Variants in NDUFAF6 observed in about 807,000 individuals in gnomAD.
The protein encoded by NDUFAF6 is NADH dehydrogenase (ubiquinone) complex I, assembly factor 6.
Under a neutral mutation model 40.8 loss-of-function variants are expected in NDUFAF6, and 45 were observed. The observed-to-expected ratio is 1.10, with a 90% CI of 0.87 to 1.42. The LOEUF (loss-of-function observed/expected upper bound fraction) is 1.42, where lower values mean the gene tolerates loss of function less well. Among genes scored for constraint, NDUFAF6 ranks in the 40% most tolerant of loss-of-function variants. The pLI is 0.00. For synonymous variants in NDUFAF6, 185 were observed against 155.9 expected (o/e 1.19, Z -1.39); for missense variants, 435 against 418.5 (o/e 1.04, Z -0.34).
intron 2 of NDUFAF6, among the ~76,000 whole-genome samples, chr8:95,012,928 T>A (rs1346334158): frequency 6.6e-6 from 1 of 152,186 alleles, no homozygotes; most frequent in Non-Finnish European, 1.5e-5. Context: ...AGATCAGTAC[T>A]TTTAGTTTTG....
chr8:95,042,111 C>A (rs1830216281), intron 4 of NDUFAF6, among the ~76,000 whole-genome samples: 1 of 151,800 alleles, frequency 6.6e-6, no homozygotes, highest in Non-Finnish European at 1.5e-5. Flanking sequence ...TTAAATATAC[C>A]CCAGTACTTG....
At chr8:95,005,220 C>A (rs945615059) in intron 2 of NDUFAF6, among the ~76,000 whole-genome samples, 2 of 151,930 alleles carry the variant, frequency 1.3e-5, no homozygotes, top group Non-Finnish European at 2.9e-5. Context: ...ATAGGCCGAA[C>A]GTACAGTCAC....
At chr8:95,075,786 G>A in exon 10 of NDUFAF6, 1 of 996,596 alleles carries the variant, frequency 1.0e-6, no homozygotes, top group African/African-American at 1.7e-5. Flanking sequence ...TGCTTAACTA[G>A]CTCTAGGCCA....
chr8:94,986,812 A>G (rs1204270073), intron 2 of NDUFAF6, among the ~76,000 whole-genome samples: 3 of 152,260 alleles, frequency 2.0e-5, no homozygotes, highest in Non-Finnish European at 2.9e-5. Context: ...AGAGCCAGTT[A>G]GGACTAAGAA....
rs577900916 is a variant in NDUFAF6, at chr8:94,976,319, C to T, written c.-198-4540C>T. 1.1e-4 allele frequency among the ~76,000 whole-genome samples: 16 copies of T among 152,068 alleles called. No individual in the cohort carries two copies. The East Asian group carries it at 1.2e-3, about 11-fold the overall frequency. The stretch of plus-strand genomic sequence containing the variant: ...AGGAGGTTGAGACCATCCTAGCCAA[C>T]GTGGTGAAACCCCGTCTCTACTAAA... On this transcript the variant is annotated intron_variant, in intron 1 of 9. Coordinates refer to the NDUFAF6 transcript ENST00000396111.
downstream of NDUFAF6, among the ~76,000 whole-genome samples, chr8:95,061,974 A>G (rs892047178): frequency 1.2e-4 from 18 of 152,042 alleles, no homozygotes; most frequent in African/African-American, 4.1e-4. Context: ...CCTGGGCGAC[A>G]TGGCAAGACC....
At chr8:94,939,660 A>T (rs1320474485) in intron 1 of NDUFAF6, 2 of 730,934 alleles carry the variant, frequency 2.7e-6, no homozygotes. Context: ...GGCCTCCCAA[A>T]GTGCTGGGAT....
chr8:95,076,948 G>A (rs984462354), downstream of NDUFAF6, among the ~76,000 whole-genome samples: 3 of 152,012 alleles, frequency 2.0e-5, no homozygotes, highest in African/African-American at 7.3e-5. Flanking sequence ...ACCTCACAGT[G>A]TGACCGTATG....
intron 1 of NDUFAF6, among the ~76,000 whole-genome samples, chr8:94,931,892 A>T (rs1486945183): frequency 6.6e-6 from 1 of 152,106 alleles, no homozygotes; most frequent in Non-Finnish European, 1.5e-5. Context: ...GAATCACTTG[A>T]ATCTGGGGGG....
chr8:94,925,923 A>G (rs907099114), intron 1 of NDUFAF6: 3 of 152,554 alleles, frequency 2.0e-5, no homozygotes, highest in African/African-American at 7.2e-5. Context: ...AGTAAGTTGT[A>G]CCTCCTTTTA....
At chr8:94,909,348 CAA>C (rs556065794) in intron 1 of NDUFAF6, among the ~76,000 whole-genome samples, 6 of 91,914 alleles carry the variant, frequency 6.5e-5, no homozygotes, top group African/African-American at 2.0e-4. Context: ...GACTCCGTCT[CAA>C]AAAAAAAAAA....
chr8:94,913,544 C>T (rs538002184), intron 1 of NDUFAF6, among the ~76,000 whole-genome samples: 1 of 152,304 alleles, frequency 6.6e-6, no homozygotes, highest in East Asian at 1.9e-4. Context: ...CGCCGGTAAT[C>T]CCAACACTTT....
chr8:94,994,984 G>C (rs1826358090), intron 2 of NDUFAF6, among the ~76,000 whole-genome samples: 1 of 152,066 alleles, frequency 6.6e-6, no homozygotes, highest in Admixed American at 6.6e-5. Flanking sequence ...TCCACTTCTG[G>C]GTATATATCC....
chr8:95,024,410 T>C (rs981158897), upstream of NDUFAF6, among the ~76,000 whole-genome samples: 1 of 152,226 alleles, frequency 6.6e-6, no homozygotes, highest in African/African-American at 2.4e-5. Flanking sequence ...TGGTTGATAA[T>C]GGCCTACTGT....
At chr8:94,970,756 T>C (rs1238727451) in intron 1 of NDUFAF6, among the ~76,000 whole-genome samples, 14 of 152,222 alleles carry the variant, frequency 9.2e-5, no homozygotes, top group Non-Finnish European at 1.9e-4. Context: ...TTAACTTTTT[T>C]AAAAAGCAGG....
intron 2 of NDUFAF6, among the ~76,000 whole-genome samples, chr8:94,995,263 G>C (rs1055547175): frequency 2.0e-5 from 3 of 152,228 alleles, no homozygotes; most frequent in African/African-American, 7.2e-5. Context: ...ATCTAAAGGA[G>C]TTAAAATGAT....
chr8:95,088,689 T>C (rs7008778), intron 2 of NDUFAF6, among the ~76,000 whole-genome samples: 1 of 142,282 alleles, frequency 7.0e-6, no homozygotes, highest in African/African-American at 2.7e-5. Context: ...TTTTGGGGTT[T>C]TGTGTGTGTG....
chr8:94,998,989 A>C, intron 2 of NDUFAF6, among the ~76,000 whole-genome samples: 1 of 152,102 alleles, frequency 6.6e-6, no homozygotes, highest in South Asian at 2.1e-4. Context: ...ACCACAATCC[A>C]GTTAAGAAAT....
intron 3 of NDUFAF6, among the ~76,000 whole-genome samples, chr8:95,039,845 C>T (rs932562549): frequency 6.6e-6 from 1 of 152,076 alleles, no homozygotes; most frequent in African/African-American, 2.4e-5. Flanking sequence ...TGGTCTTGAA[C>T]TCCTGAACTC....
Sources: gnomAD v4.1 joint callset for allele counts (sites outside exome capture counted in the v4.1 genomes callset) on GRCh38, gnomAD v4.1.1 for gene constraint, MANE v1.5 for transcripts, NCBI Gene and HGNC (gene_info 2026-07-23, HGNC 2026-07-21) for gene names.